The following KL variants were observed in gnomAD, a reference collection of about 807,000 sequenced individuals.
The protein encoded by KL is klotho, also known as alpha-klotho.
Under a neutral mutation model 84.2 loss-of-function variants are expected in KL, and 62 were observed. That is an observed-to-expected ratio of 0.74 (90% CI 0.60 to 0.91). The LOEUF (loss-of-function observed/expected upper bound fraction) is 0.91. Among genes scored for constraint, KL ranks in the 40% least tolerant of loss-of-function variants. KL has a pLI of 0.00. For synonymous variants in KL, 528 were observed against 528.0 expected, an observed-to-expected ratio of 1.00 and a Z score of 0.00; for missense variants, 1,261 against 1,305.7, an observed-to-expected ratio of 0.97 and a Z score of 0.53.
chr13:33,064,298 C>A lies in KL; in HGVS notation c.*112C>A. 2.4e-6 allele frequency: 2 copies of A among 840,440 alleles called. No homozygotes were observed. Among genetic ancestry groups the A allele is most frequent in the Non-Finnish European group, 1.8e-6 (1 of 540,574 alleles). The allele number at this position is 840,440 out of a possible 1,614,324, so 52.1% of individuals were successfully genotyped here. A position where few individuals can be genotyped will look rare whatever the true frequency, so the allele number is the denominator to read the frequency against. On this transcript the variant is annotated 3_prime_UTR_variant, in exon 5 of 5. Transcript: ENST00000380099. ...ACTGTAAATTTCATACATTTGACTT[C>A]TAGAAAACATTTTTGTGGCTTATGA...
chr13:33,018,455 C>T (rs1248020385), intron 1 of KL, among the ~76,000 whole-genome samples: 2 of 152,160 alleles, frequency 1.3e-5, no homozygotes, highest in Non-Finnish European at 1.5e-5. Flanking sequence ...GTAATAATGG[C>T]TAAATTAGAT....
In KL at chr13:33,016,729, C is replaced by T. The variant is rs1870351117; in HGVS notation, c.289C>T (p.Pro97Ser). Residue 97 changes from proline to serine, a missense_variant, in exon 1 of 5, where the codon CCC (proline) becomes TCC (serine). By Grantham distance (74) the Pro-to-Ser change is moderately conservative. Transcript: ENST00000380099. ...CATCTGGGATACGTTCACCCACCAC[C>T]CCCTGGCACCCCCGGGAGACTCCCG... ...ASIWDTFTHH[P>S]LAPPGDSRNA... The T allele has an allele frequency of 3.7e-6, 6 of 1,611,072 alleles. No individual in the cohort carries two copies. Among genetic ancestry groups the T allele is most frequent in the Non-Finnish European group, 5.1e-6 (6 of 1,179,002 alleles).
chr13:33,047,062 C>G (rs1487518043), intron 1 of KL, among the ~76,000 whole-genome samples: 4 of 152,132 alleles, frequency 2.6e-5, no homozygotes, highest in Non-Finnish European at 1.5e-5. Context: ...TCTGGTCTAA[C>G]ATATGATCTA....
intron 1 of KL, among the ~76,000 whole-genome samples, chr13:33,023,474 CTCT>C (rs774119008): frequency 4.6e-5 from 7 of 152,262 alleles, no homozygotes; most frequent in Non-Finnish European, 8.8e-5. Context: ...CTTAATTTGC[CTCT>C]TCTTTGAAAT....
intron 1 of KL, among the ~76,000 whole-genome samples, chr13:33,049,835 C>T (rs528086): frequency 0.67 from 101,124 of 151,934 alleles, 34,121 homozygotes; most frequent in Admixed American, 0.76. Context: ...TTTTTAATCT[C>T]TAGAGCAATA....
intron 1 of KL, among the ~76,000 whole-genome samples, chr13:33,018,212 A>C (rs1870444315): frequency 6.6e-6 from 1 of 152,232 alleles, no homozygotes; most frequent in African/African-American, 2.4e-5. Context: ...TTTTATGTAC[A>C]TGTATAAACA....
chr13:33,036,381 C>T (rs1593796351), intron 1 of KL, among the ~76,000 whole-genome samples: 1 of 150,832 alleles, frequency 6.6e-6, no homozygotes, highest in South Asian at 2.1e-4. Context: ...ACATACATAC[C>T]ACACACATGC....
Position 33,061,699 on chromosome 13 carries a change from G to A in KL, c.2620G>A (p.Gly874Arg), listed in dbSNP as rs546717464. ...CCTCCCCATGTACATAATATCCAAT[G>A]GAATCGATGACGGGCTGCATGCTGA... ...GDLPMYIISN[G>R]IDDGLHAEDD... The change falls in exon 4 of 5, where the codon GGA (glycine) becomes AGA (arginine). Residue 874 changes from glycine to arginine, a missense_variant. Physicochemically the swap from Gly to Arg is moderately radical, Grantham distance 125. Transcript: ENST00000380099. 158 of 1,613,852 alleles carry A rather than the reference G, an allele frequency of 9.8e-5. No individual in the cohort carries two copies. Among genetic ancestry groups the A allele is most frequent in the Non-Finnish European group, 1.3e-4 (153 of 1,179,772 alleles).
At chr13:33,027,332 T>C (rs923356725) in intron 1 of KL, among the ~76,000 whole-genome samples, 1 of 152,218 alleles carries the variant, frequency 6.6e-6, no homozygotes, top group East Asian at 1.9e-4. Flanking sequence ...AAAGAAGTGC[T>C]ATCTCTTACT....
In KL at chr13:33,061,036, A is replaced by G. The variant is rs201424506; in HGVS notation, c.1957A>G (p.Arg653Gly). The G allele has an allele frequency of 2.5e-6, 4 of 1,611,926 alleles. No individual in the cohort carries two copies. Among genetic ancestry groups the G allele is most frequent in the Non-Finnish European group, 3.4e-6 (4 of 1,178,468 alleles). ...PNQGLPRLLARQGAWENPYTA... is the reference protein window; with the variant it reads ...PNQGLPRLLAGQGAWENPYTA... ...CCAAGGACTGCCGCGCCTCCTGGCC[A>G]GGCAGGGCGCCTGGGAGAACCCCTA... Residue 653 changes from arginine to glycine, a missense_variant, in exon 4 of 5, where the codon AGG becomes GGG. Coordinates refer to ENST00000380099, the MANE Select transcript of KL (RefSeq NM_004795.4).
In KL at chr13:33,064,268, G is replaced by A; in HGVS notation, c.*82G>A. 6.6e-6 allele frequency: 7 copies of A among 1,068,364 alleles called. No homozygotes were observed. The South Asian group carries it at 1.0e-4, about 15-fold the overall frequency. The allele number at this position is 1,068,364 out of a possible 1,614,324, so 66.2% of individuals were successfully genotyped here. A position where few individuals can be genotyped will look rare whatever the true frequency, so the allele number is the denominator to read the frequency against. ...TTAACCATTTGCACCTCTAAGTGTT[G>A]TGAAACTGTAAATTTCATACATTTG... is the stretch of plus-strand genomic sequence containing the variant. On this transcript the variant is annotated 3_prime_UTR_variant, in exon 5 of 5. Transcript: ENST00000380099.
At chr13:33,026,330 G>A (rs1206200215) in intron 1 of KL, among the ~76,000 whole-genome samples, 1 of 152,112 alleles carries the variant, frequency 6.6e-6, no homozygotes, top group Non-Finnish European at 1.5e-5. Flanking sequence ...ATTGGGGGCG[G>A]TCTATTTCAC....
chr13:33,055,532 A>G (rs1029615555), intron 3 of KL, among the ~76,000 whole-genome samples: 1 of 152,254 alleles, frequency 6.6e-6, no homozygotes, highest in South Asian at 2.1e-4. Flanking sequence ...AAAGATAAAT[A>G]AATTTAAAGC....
At chr13:33,054,319 C>A in intron 2 of KL, 42 bp downstream of exon 2, 1 of 1,580,590 alleles carries the variant, frequency 6.3e-7, no homozygotes, top group Non-Finnish European at 8.7e-7. Context: ...CCAAAATCTT[C>A]TGGAAAAAAA....
At chr13:33,033,086 T>A (rs1321712537) in intron 1 of KL, among the ~76,000 whole-genome samples, 1 of 152,232 alleles carries the variant, frequency 6.6e-6, no homozygotes, top group Non-Finnish European at 1.5e-5. Context: ...GAAATAATCA[T>A]TACATGATAA....
chr13:33,033,225 C>A (rs1168893068), intron 1 of KL, among the ~76,000 whole-genome samples: 4 of 152,162 alleles, frequency 2.6e-5, no homozygotes, highest in African/African-American at 9.7e-5. Context: ...ATAACTTATG[C>A]GTGGCTGTTT....
At position 33,055,205 on chromosome 13, in the gene KL, T is replaced by C. The variant is rs376035130; in HGVS notation, c.1489T>C (p.Tyr497His). 3 of 1,614,250 alleles carry C rather than the reference T, an allele frequency of 1.9e-6. No homozygotes were observed. Among genetic ancestry groups the C allele is most frequent in the Non-Finnish European group, 2.5e-6 (3 of 1,180,042 alleles). ...MLLPKSSALF[Y>H]QKLIEKNGFP... ...GTTGCCAAAGTCTTCAGCCTTGTTC[T>C]ACCAAAAGCTGATAGAGAAAAATGG... The change falls in exon 3 of 5, where the codon TAC becomes CAC. Residue 497 changes from tyrosine (Y) to histidine (H), a missense_variant. By Grantham distance (83) the Tyr-to-His change is moderately conservative. Transcript: ENST00000380099.
chr13:33,042,305 T>C (rs1201945498), intron 1 of KL, among the ~76,000 whole-genome samples: 1 of 152,184 alleles, frequency 6.6e-6, no homozygotes, highest in Non-Finnish European at 1.5e-5. Flanking sequence ...CACCTGTATG[T>C]GTATGGATAT....
chr13:33,051,697 A>G (rs1479169321), intron 1 of KL, among the ~76,000 whole-genome samples: 1 of 152,168 alleles, frequency 6.6e-6, no homozygotes, highest in Non-Finnish European at 1.5e-5. Context: ...TATAATTATA[A>G]AAAATTCCAT....
Sources: gnomAD v4.1 joint callset for allele counts (sites outside exome capture counted in the v4.1 genomes callset) on GRCh38, gnomAD v4.1.1 for gene constraint, MANE v1.5 for transcripts, NCBI Gene and HGNC (gene_info 2026-07-23, HGNC 2026-07-21) for gene names.